MANBA: variants seen among roughly 807,000 people sequenced by gnomAD.
The protein encoded by MANBA is mannosidase beta, also known as beta-mannosidase.
In MANBA, 83 loss-of-function variants were observed where a neutral mutation model predicts 111.1. The observed-to-expected ratio is 0.75, with a 90% CI of 0.63 to 0.90. The LOEUF (loss-of-function observed/expected upper bound fraction) is 0.90, where lower values mean the gene tolerates loss of function less well. Ranked by LOEUF, MANBA falls within the 40% of genes least tolerant of loss-of-function variation. The pLI is 0.00. For missense variants in MANBA, 1,036 were observed against 1,069.0 expected, an observed-to-expected ratio of 0.97 and a Z score of 0.43; for synonymous variants, 370 against 378.7, an observed-to-expected ratio of 0.98 and a Z score of 0.27.
intron 13 of MANBA, among the ~76,000 whole-genome samples, chr4:102,649,304 C>T (rs1373645659): frequency 6.6e-6 from 1 of 152,172 alleles, no homozygotes; most frequent in Non-Finnish European, 1.5e-5. Flanking sequence ...GGGAAGCAAA[C>T]ATTTAGCTTA....
At chr4:102,705,358 A>G (rs1405778089) in intron 5 of MANBA, among the ~76,000 whole-genome samples, 1 of 152,212 alleles carries the variant, frequency 6.6e-6, no homozygotes, top group East Asian at 1.9e-4. Flanking sequence ...TTGAGAGTCT[A>G]GCCCCGAATG....
At chr4:102,668,639 G>T in intron 10 of MANBA, 1 of 295,566 alleles carries the variant, frequency 3.4e-6, no homozygotes, top group South Asian at 3.5e-5. Flanking sequence ...TGGGGAGGGG[G>T]TGCAATATAA....
intron 5 of MANBA, among the ~76,000 whole-genome samples, chr4:102,697,985 G>A (rs1441279623): frequency 2.0e-5 from 3 of 151,696 alleles, no homozygotes; most frequent in African/African-American, 7.3e-5. Context: ...CAGTGTAAAA[G>A]TGTTCCTATT....
intron 14 of MANBA, among the ~76,000 whole-genome samples, chr4:102,637,251 A>G (rs920744563): frequency 6.6e-6 from 1 of 152,200 alleles, no homozygotes; most frequent in African/African-American, 2.4e-5. Flanking sequence ...CCCTTGTTAC[A>G]GACTCTTGTT....
At chr4:102,675,098 C>T (rs1233088009) in intron 7 of MANBA, among the ~76,000 whole-genome samples, 1 of 152,174 alleles carries the variant, frequency 6.6e-6, no homozygotes, top group Non-Finnish European at 1.5e-5. Flanking sequence ...CAAGAATGCA[C>T]AGTGATTTTC....
At chr4:102,639,619 G>T in intron 14 of MANBA, 94 bp downstream of exon 14, 2 of 1,519,918 alleles carry the variant, frequency 1.3e-6, no homozygotes, top group Non-Finnish European at 1.8e-6. Flanking sequence ...GTTCTGCCTG[G>T]GCTAATCTGA....
intron 5 of MANBA, among the ~76,000 whole-genome samples, chr4:102,714,014 A>C (rs1578929717): frequency 6.6e-6 from 1 of 152,160 alleles, no homozygotes; most frequent in African/African-American, 2.4e-5. Context: ...CAGGGCCCTC[A>C]GAGTAGTGCT....
chr4:102,657,779 T>C lies in MANBA; in HGVS notation c.1607A>G (p.Tyr536Cys), dbSNP rs765939499. The C allele has an allele frequency of 2.5e-6, 4 of 1,613,766 alleles. No individual in the cohort carries two copies. The highest frequency in any genetic ancestry group is 2.2e-5 in the East Asian group (1 of 44,880). ...NYFGDVHFYDYISDCWNWKVF... is the reference protein window; with the variant it reads ...NYFGDVHFYDCISDCWNWKVF... ...TTTCCAGTTCCAGCAATCACTGATA[T>C]AGTCATAAAAATGTACATCACCAAA... Residue 536 changes from tyrosine to cysteine, a missense_variant, in exon 12 of 17, where the codon TAT becomes TGT. Coordinates refer to ENST00000647097, the MANE Select transcript of MANBA (RefSeq NM_005908.4).
chr4:102,759,993 G>A (rs924027694), intron 1 of MANBA, among the ~76,000 whole-genome samples: 2 of 152,072 alleles, frequency 1.3e-5, no homozygotes, highest in African/African-American at 2.4e-5. Context: ...AAAAGCAGTT[G>A]GAGGATGGAA....
chr4:102,673,440 G>T (rs751296049), intron 8 of MANBA, among the ~76,000 whole-genome samples: 1 of 151,676 alleles, frequency 6.6e-6, no homozygotes, highest in African/African-American at 2.4e-5. Flanking sequence ...CCTGGGAGGC[G>T]GAGGTTGCAG....
intron 1 of MANBA, among the ~76,000 whole-genome samples, chr4:102,746,508 G>A (rs1259128650): frequency 6.6e-6 from 1 of 152,152 alleles, no homozygotes; most frequent in Non-Finnish European, 1.5e-5. Flanking sequence ...CAACCAACCA[G>A]CTTTATTATG....
chr4:102,746,987 A>G (rs965798539), intron 1 of MANBA, among the ~76,000 whole-genome samples: 8 of 151,022 alleles, frequency 5.3e-5, no homozygotes, highest in Non-Finnish European at 1.0e-4. Context: ...AAAAAAAAAA[A>G]GAAAGAAAAA....
chr4:102,669,890 G>A (rs897127635), intron 9 of MANBA, among the ~76,000 whole-genome samples: 70 of 152,260 alleles, frequency 4.6e-4, no homozygotes, highest in African/African-American at 1.6e-3. Flanking sequence ...TGAGGCAGGA[G>A]AATGGCGTGA....
chr4:102,634,648 G>C lies in MANBA; in HGVS notation c.2415+140C>G, dbSNP rs1009964502. 5.7e-5 allele frequency: 66 copies of C among 1,165,552 alleles called. 1 individual carries two copies. The highest frequency in any genetic ancestry group is 5.6e-4 in the Middle Eastern group (2 of 3,574). 72.2% of individuals were successfully genotyped at this position (1,165,552 alleles called of 1,614,324 possible). A position where few individuals can be genotyped will look rare whatever the true frequency, so the allele number is the denominator to read the frequency against. On this transcript the variant is annotated intron_variant, in intron 16 of 16. Transcript: ENST00000647097. ...TTGGTGTTTGCTTTTAGTGGGAAGA[G>C]GCCAATCTTCCCCCAGGCCTCAGGT...
intron 7 of MANBA, among the ~76,000 whole-genome samples, chr4:102,689,357 A>ATAT (rs1338366947): frequency 9.2e-5 from 10 of 108,342 alleles, no homozygotes; most frequent in African/African-American, 2.9e-4. Context: ...TCAAAAAAAA[A>ATAT]AAATATATAT....
chr4:102,686,334 T>C (rs960689579), intron 7 of MANBA, among the ~76,000 whole-genome samples: 1 of 152,206 alleles, frequency 6.6e-6, no homozygotes, highest in Middle Eastern at 3.2e-3. Flanking sequence ...CCTTCTATGT[T>C]GATACCACCT....
intron 4 of MANBA, among the ~76,000 whole-genome samples, chr4:102,720,535 G>A (rs1308501180): frequency 1.3e-5 from 2 of 151,820 alleles, no homozygotes; most frequent in Non-Finnish European, 2.9e-5. Flanking sequence ...AACCCGGGAG[G>A]CAGAGGTTGC....
intron 1 of MANBA, chr4:102,751,622 C>T: frequency 3.7e-6 from 2 of 540,874 alleles, no homozygotes; most frequent in East Asian, 1.1e-4. Context: ...AACTGGAGAA[C>T]ATGTCATCAG....
chr4:102,707,897 A>G (rs924097865), intron 5 of MANBA, among the ~76,000 whole-genome samples: 1 of 152,170 alleles, frequency 6.6e-6, no homozygotes, highest in Non-Finnish European at 1.5e-5. Context: ...AAGTCAAAAA[A>G]CAGTAAAAAC....
Sources: gnomAD v4.1 joint callset for allele counts (sites outside exome capture counted in the v4.1 genomes callset) on GRCh38, gnomAD v4.1.1 for gene constraint, MANE v1.5 for transcripts, NCBI Gene and HGNC (gene_info 2026-07-23, HGNC 2026-07-21) for gene names.